The following LIMS1 variants were observed in gnomAD, a reference collection of about 807,000 sequenced individuals.
LIMS1 encodes the protein LIM and senescent cell antigen-like-containing domain protein 1.
LIMS1 carries 18 observed loss-of-function variants against 44.1 expected under a neutral mutation model. That is an observed-to-expected ratio of 0.41 (90% CI 0.28 to 0.61). The LOEUF is 0.61. Among genes scored for constraint, LIMS1 ranks in the 20% least tolerant of loss-of-function variants. The pLI is 0.32. For synonymous variants in LIMS1, 93 were observed against 149.1 expected (o/e 0.62, Z 2.74); for missense variants, 201 against 422.0 (o/e 0.48, Z 4.59).
At position 108,647,261 on chromosome 2, in the gene LIMS1, C is replaced by A. The variant is rs553227923; in HGVS notation, c.33-12344C>A. 3.9e-5 allele frequency among the ~76,000 whole-genome samples: 6 copies of A among 152,202 alleles called. No individual in the cohort carries two copies. In the South Asian group the frequency reaches 6.2e-4, roughly 16 times the overall value. ...ACATGTACACCCTCCCAAGACTAAA[C>A]CAAGAAGAAGTCAAATCCCTGAATA... On this transcript the variant is annotated intron_variant, in intron 1 of 9. Coordinates refer to ENST00000544547, the Ensembl canonical transcript of LIMS1.
chr2:108,587,191 G>T (rs1401542036), intron 1 of LIMS1, among the ~76,000 whole-genome samples: 3 of 152,054 alleles, frequency 2.0e-5, no homozygotes, highest in Non-Finnish European at 4.4e-5. Context: ...ACCTGCCAGG[G>T]TGCCCTCAGG....
intron 1 of LIMS1, among the ~76,000 whole-genome samples, chr2:108,585,268 T>A (rs1282249610): frequency 6.6e-6 from 1 of 151,838 alleles, no homozygotes; most frequent in Non-Finnish European, 1.5e-5. Context: ...TGATAGCAGG[T>A]TCCTTAGACC....
At chr2:108,614,298 C>A (rs1687817702) in intron 1 of LIMS1, among the ~76,000 whole-genome samples, 1 of 152,216 alleles carries the variant, frequency 6.6e-6, no homozygotes, top group African/African-American at 2.4e-5. Context: ...CTCTCACCAC[C>A]CAGACCCTGC....
At position 108,534,613 on chromosome 2, in the gene LIMS1, G is replaced by T. The variant is rs1684051465; in HGVS notation, c.32+19G>T. 2.7e-6 allele frequency: 3 copies of T among 1,123,392 alleles called. No homozygotes were observed. Among genetic ancestry groups the T allele is most frequent in the South Asian group, 4.3e-5 (1 of 23,338 alleles). The allele number at this position is 1,123,392 out of a possible 1,614,324, so 69.6% of individuals were successfully genotyped here. The stretch of plus-strand genomic sequence containing the variant: ...CCCACAGGTACGGGCCGCACCGCGC[G>T]GCCCCCGCCACGTCCGCCCCGCAGC... On this transcript the variant is annotated intron_variant, in intron 1 of 9. Coordinates refer to ENST00000544547, the Ensembl canonical transcript of LIMS1.
At chr2:108,605,906 A>G (rs1687244821) in intron 1 of LIMS1, among the ~76,000 whole-genome samples, 1 of 152,208 alleles carries the variant, frequency 6.6e-6, no homozygotes. Context: ...AAAGGACATG[A>G]CCATCTGAAA....
At chr2:108,623,920 A>C (rs548954963) in intron 1 of LIMS1, among the ~76,000 whole-genome samples, 8 of 152,282 alleles carry the variant, frequency 5.3e-5, no homozygotes, top group Non-Finnish European at 8.8e-5. Context: ...CTTAAAGAGC[A>C]CTGTAATACA....
At chr2:108,683,747 G>GT in intron 9 of LIMS1, 138 bp from the exon 10 acceptor site, 2 of 436,368 alleles carry the variant, frequency 4.6e-6, no homozygotes, top group East Asian at 3.8e-5. Flanking sequence ...TAGGATTATG[G>GT]TTTTTTTACT....
At chr2:108,668,114 T>C in intron 2 of LIMS1, among the ~76,000 whole-genome samples, 1 of 152,162 alleles carries the variant, frequency 6.6e-6, no homozygotes, top group Non-Finnish European at 1.5e-5. Flanking sequence ...CAGTGTGATG[T>C]TTCAATACAT....
intron 1 of LIMS1, among the ~76,000 whole-genome samples, chr2:108,652,448 C>A (rs113533009): frequency 6.6e-6 from 1 of 151,534 alleles, no homozygotes; most frequent in African/African-American, 2.4e-5. Flanking sequence ...GTCACATGAA[C>A]GATTCCATTT....
chr2:108,637,097 ATATG>A (rs55663446), intron 1 of LIMS1, among the ~76,000 whole-genome samples: 11,672 of 131,954 alleles, frequency 0.088, 538 homozygotes, highest in East Asian at 0.13. Context: ...AAATATACAT[ATATG>A]TGTGTGTGTG....
chr2:108,561,746 G>T (rs201377415), intron 1 of LIMS1, among the ~76,000 whole-genome samples: 99 of 134,058 alleles, frequency 7.4e-4, no homozygotes, highest in East Asian at 1.1e-3. Flanking sequence ...GTTTTTTTTT[G>T]TTTTTTTTTT....
At chr2:108,669,722 TAAA>T (rs60098338) in intron 2 of LIMS1, among the ~76,000 whole-genome samples, 1 of 147,082 alleles carries the variant, frequency 6.8e-6, no homozygotes. Flanking sequence ...ATTTCTCTAT[TAAA>T]AAAAAAAAAG....
intron 2 of LIMS1, chr2:108,660,783 C>T (rs12472770): frequency 0.37 from 65,190 of 176,798 alleles, 14,169 homozygotes; most frequent in East Asian, 0.89. Context: ...GAAATGCTGA[C>T]CCCAGGCTAT....
chr2:108,670,986 C>T (rs545811583), intron 3 of LIMS1, 139 bp downstream of exon 3: 15 of 1,095,030 alleles, frequency 1.4e-5, no homozygotes, highest in African/African-American at 1.6e-5. Context: ...GCCTGGCCAA[C>T]GTAGGGAAAC....
chr2:108,578,587 ATTT>A (rs575139291), intron 1 of LIMS1, among the ~76,000 whole-genome samples: 1 of 100,788 alleles, frequency 9.9e-6, no homozygotes. Context: ...AATGTAAATA[ATTT>A]TTTTTTTTTT....
chr2:108,623,319 G>C (rs1056223578), intron 1 of LIMS1, among the ~76,000 whole-genome samples: 1 of 151,962 alleles, frequency 6.6e-6, no homozygotes. Context: ...GAATCAAAGA[G>C]AGTAAGGACT....
chr2:108,559,555 A>G (rs1376376107), intron 1 of LIMS1, among the ~76,000 whole-genome samples: 1 of 151,562 alleles, frequency 6.6e-6, no homozygotes, highest in Admixed American at 6.6e-5. Context: ...TAGAAACTAT[A>G]ATTATGAAGA....
At chr2:108,674,294 C>G (rs1344428720) in intron 5 of LIMS1, among the ~76,000 whole-genome samples, 1 of 152,026 alleles carries the variant, frequency 6.6e-6, no homozygotes, top group Non-Finnish European at 1.5e-5. Context: ...CGCACCACTG[C>G]ACTCGAACCT....
intron 1 of LIMS1, among the ~76,000 whole-genome samples, chr2:108,643,145 A>C (rs1006680978): frequency 1.3e-5 from 2 of 152,256 alleles, no homozygotes; most frequent in Non-Finnish European, 2.9e-5. Flanking sequence ...CCAAAGACCC[A>C]ACTTAGCCAT....
Sources: allele counts gnomAD v4.1 joint callset (sites outside exome capture counted in the v4.1 genomes callset), GRCh38; gene constraint gnomAD v4.1.1; transcripts MANE v1.5; gene names NCBI Gene and HGNC (gene_info 2026-07-23, HGNC 2026-07-21).